Variants in WFDC2 observed in about 807,000 individuals in gnomAD.
WFDC2 encodes the protein WAP four-disulfide core domain protein 2.
A neutral mutation model predicts 12.5 loss-of-function variants in WFDC2; 8 were observed. The ratio of observed to expected loss-of-function variants is 0.64; its 90% CI spans 0.37 to 1.15. The LOEUF (loss-of-function observed/expected upper bound fraction) is 1.15, where lower values mean the gene tolerates loss of function less well. Ranked by LOEUF, WFDC2 falls within the 50% of genes most tolerant of loss-of-function variation. The pLI, the probability that WFDC2 is intolerant of heterozygous loss-of-function variation, is 0.01. For synonymous variants in WFDC2, 74 were observed against 67.2 expected, an observed-to-expected ratio of 1.10 and a Z score of -0.49; for missense variants, 166 against 159.9, an observed-to-expected ratio of 1.04 and a Z score of -0.21.
chr20:45,477,089 A>G (rs532858931), intron 2 of WFDC2, among the ~76,000 whole-genome samples: 32 of 151,926 alleles, frequency 2.1e-4, no homozygotes, highest in Middle Eastern at 3.4e-3. Context: ...CCTTTTTTCA[A>G]GGTTCTTACC....
chr20:45,479,687 C>T (rs1411956883), intron 2 of WFDC2: 1 of 1,614,058 alleles, frequency 6.2e-7, no homozygotes, highest in Non-Finnish European at 8.5e-7. Flanking sequence ...TGGGAGATTT[C>T]TGGCCCTAGG....
At chr20:45,473,790 C>T (rs1052271693) in intron 2 of WFDC2, among the ~76,000 whole-genome samples, 2 of 151,612 alleles carry the variant, frequency 1.3e-5, no homozygotes, top group African/African-American at 4.8e-5. Flanking sequence ...GCCATTTTCA[C>T]GATATTGATT....
At chr20:45,476,289 G>T (rs886372570) in intron 2 of WFDC2, among the ~76,000 whole-genome samples, 11 of 152,128 alleles carry the variant, frequency 7.2e-5, no homozygotes, top group Non-Finnish European at 1.6e-4. Flanking sequence ...TTACAATTTG[G>T]TATGTTTTTG....
At chr20:45,474,937 T>G (rs891402428) in intron 2 of WFDC2, among the ~76,000 whole-genome samples, 4 of 152,242 alleles carry the variant, frequency 2.6e-5, no homozygotes, top group African/African-American at 7.2e-5. Context: ...ATTTATCCAT[T>G]TCTTCTAGGT....
intron 2 of WFDC2, among the ~76,000 whole-genome samples, chr20:45,478,712 G>T (rs1185634519): frequency 3.3e-5 from 5 of 151,728 alleles, no homozygotes; most frequent in African/African-American, 7.3e-5. Flanking sequence ...TACAACCTCT[G>T]TCTCCCAGGT....
At chr20:45,475,448 T>G (rs1291103354) in intron 2 of WFDC2, among the ~76,000 whole-genome samples, 1 of 152,244 alleles carries the variant, frequency 6.6e-6, no homozygotes, top group Non-Finnish European at 1.5e-5. Context: ...TAGTAGTCAT[T>G]CAGGAGCAGG....
Position 45,470,412 on chromosome 20 carries a change from G to A in WFDC2, c.103G>A (p.Val35Met), listed in dbSNP as rs772866561. The change falls in exon 2 of 4, where the codon GTG becomes ATG. Residue 35 changes from valine to methionine, a missense_variant. Physicochemically the swap from Val to Met is conservative, Grantham distance 21. Coordinates refer to ENST00000372676, the MANE Select transcript of WFDC2 (RefSeq NM_006103.4). This position sits in a 1 kb window ranked among gnomAD's most constrained non-coding sequence, Gnocchi z 5.4. ...AGGCACAGGAGCAGAGAAGACTGGC[G>A]TGTGCCCCGAGCTCCAGGCTGACCA... ...VSGTGAEKTG[V>M]CPELQADQNC... The A allele has an allele frequency of 1.3e-6, 2 of 1,590,452 alleles. No homozygotes were observed. Among genetic ancestry groups the A allele is most frequent in the Non-Finnish European group, 1.7e-6 (2 of 1,167,630 alleles).
At chr20:45,469,958 T>C (rs1600845395) in intron 1 of WFDC2, 98 bp downstream of exon 1, 2 of 1,456,352 alleles carry the variant, frequency 1.4e-6, no homozygotes, top group East Asian at 2.5e-5. Flanking sequence ...GCTGGGGAAG[T>C]GGGAATTCCG....
At chr20:45,474,092 G>A (rs994796911) in intron 2 of WFDC2, among the ~76,000 whole-genome samples, 13 of 152,170 alleles carry the variant, frequency 8.5e-5, no homozygotes, top group African/African-American at 3.1e-4. Flanking sequence ...AGATAATGGG[G>A]TTTTCTAAAT....
rs1418357166 is a variant in WFDC2 at position 45,470,200 on chromosome 20, T to C, written c.80-189T>C. Among the ~76,000 whole-genome samples the C allele has an allele frequency of 6.6e-6, 1 of 151,994 alleles. No individual in the cohort carries two copies. The highest frequency in any genetic ancestry group is 2.4e-5 in the African/African-American group (1 of 41,388). On this transcript the variant is annotated intron_variant, in intron 1 of 3. Coordinates refer to ENST00000372676, the MANE Select transcript of WFDC2 (RefSeq NM_006103.4). This position sits in a 1 kb window ranked among gnomAD's most constrained non-coding sequence, Gnocchi z 5.4. ...ATCTGAGGGCCCCGACGCCAAGGGT[T>C]AGGGAGCTCTCGTACTCCCAGGGGT...
intron 2 of WFDC2, among the ~76,000 whole-genome samples, chr20:45,474,034 C>T (rs1005869219): frequency 6.6e-6 from 1 of 152,140 alleles, no homozygotes; most frequent in Non-Finnish European, 1.5e-5. Context: ...GATTTGTATC[C>T]TGAGACTTTA....
In WFDC2 at chr20:45,480,066, G is replaced by A. The variant is rs775587128; in HGVS notation, c.348G>A (p.Lys116=). The change falls in exon 3 of 4, where the codon AAG becomes AAA. Residue 116 remains lysine, a synonymous_variant. Coordinates refer to ENST00000372676, the MANE Select transcript of WFDC2 (RefSeq NM_006103.4). ...AATGCTGCCGCAATGGCTGTGGGAAGGTGTCCTGTGTCACTCCCAATTTCT... is the reference window on the plus strand; with the variant it reads ...AATGCTGCCGCAATGGCTGTGGGAAAGTGTCCTGTGTCACTCCCAATTTCT... ...QMKCCRNGCG[K]VSCVTPNF 6 of 1,614,078 alleles carry A rather than the reference G, an allele frequency of 3.7e-6. No homozygotes were observed. Among genetic ancestry groups the A allele is most frequent in the Non-Finnish European group, 5.1e-6 (6 of 1,180,048 alleles).
chr20:45,472,671 T>C (rs909994714), intron 2 of WFDC2, among the ~76,000 whole-genome samples: 5 of 152,158 alleles, frequency 3.3e-5, no homozygotes, highest in African/African-American at 1.2e-4. Context: ...TGTGTCTTTA[T>C]TGTAGAATGA....
intron 2 of WFDC2, among the ~76,000 whole-genome samples, chr20:45,476,174 A>G (rs1319395189): frequency 6.6e-6 from 1 of 152,174 alleles, no homozygotes; most frequent in African/African-American, 2.4e-5. Flanking sequence ...GCCTGTTTAC[A>G]TTTAAGGTTA....
Position 45,480,044 on chromosome 20 carries a change from G to T in WFDC2, c.326G>T (p.Cys109Phe). ...VDSQCPGQMK[C>F]CRNGCGKVSC... ...AGCCAGTGTCCTGGCCAGATGAAATGCTGCCGCAATGGCTGTGGGAAGGTG... is the reference window on the plus strand; with the variant it reads ...AGCCAGTGTCCTGGCCAGATGAAATTCTGCCGCAATGGCTGTGGGAAGGTG... The change falls in exon 3 of 4, where the codon TGC becomes TTC. Residue 109 changes from cysteine (C) to phenylalanine (F), a missense_variant. Transcript: ENST00000372676. 1 of 1,614,230 alleles carries T rather than the reference G, an allele frequency of 6.2e-7. No homozygotes were observed. Among genetic ancestry groups the T allele is most frequent in the Non-Finnish European group, 8.5e-7 (1 of 1,180,032 alleles).
chr20:45,475,037 T>G (rs1259911790), intron 2 of WFDC2, among the ~76,000 whole-genome samples: 1 of 152,224 alleles, frequency 6.6e-6, no homozygotes, highest in Non-Finnish European at 1.5e-5. Context: ...CCCTTTGTCA[T>G]TTTTTATTGT....
intron 2 of WFDC2, among the ~76,000 whole-genome samples, chr20:45,477,942 G>A (rs1400860798): frequency 6.6e-6 from 1 of 152,190 alleles, no homozygotes; most frequent in Non-Finnish European, 1.5e-5. Flanking sequence ...GAACTTCCTG[G>A]TGGCTTTGTT....
In WFDC2 at chr20:45,480,231, G is replaced by A. The variant is rs888688026; in HGVS notation, c.*1+137G>A. ...AGGTATACCAGTGGGGTGACCCTCA[G>A]CCTGTTCTAAAAGAAGAGTGAAAGG... On this transcript the variant is annotated intron_variant, in intron 3 of 3. Transcript: ENST00000372676. 8.7e-6 allele frequency: 11 copies of A among 1,268,618 alleles called. No homozygotes were observed. The African/African-American group carries it at 1.0e-4, about 12-fold the overall frequency. 78.6% of individuals were successfully genotyped at this position (1,268,618 alleles called of 1,614,324 possible).
chr20:45,475,090 C>G (rs891938078), intron 2 of WFDC2, among the ~76,000 whole-genome samples: 5 of 152,092 alleles, frequency 3.3e-5, no homozygotes, highest in African/African-American at 1.2e-4. Context: ...GTATGGCTAG[C>G]AGTCAGACTA....
Sources: allele counts gnomAD v4.1 joint callset (sites outside exome capture counted in the v4.1 genomes callset), GRCh38; gene constraint gnomAD v4.1.1; non-coding constraint Gnocchi (gnomAD v3.1); transcripts MANE v1.5; gene names NCBI Gene and HGNC (gene_info 2026-07-23, HGNC 2026-07-21).